Variants in FAM163A observed in about 807,000 individuals in gnomAD.
FAM163A encodes the protein family with sequence similarity 163 member A.
In FAM163A, 7 loss-of-function variants were observed where a neutral mutation model predicts 12.0. The observed-to-expected ratio is 0.58, with a 90% CI of 0.33 to 1.10. The LOEUF is 1.10. Ranked by LOEUF, FAM163A falls within the 50% of genes least tolerant of loss-of-function variation. FAM163A has a pLI of 0.03. For missense variants in FAM163A, 202 were observed against 218.6 expected (o/e 0.92, Z 0.48); for synonymous variants, 101 against 91.0 (o/e 1.11, Z -0.62).
the FAM163A span, among the ~76,000 whole-genome samples, chr1:179,734,829 C>T: frequency 3.3e-5 from 5 of 152,140 alleles, no homozygotes; most frequent in African/African-American, 1.2e-4. Flanking sequence ...CCCACCCCCA[C>T]CAATTATACT....
chr1:179,814,340 C>T lies in FAM163A; in HGVS notation c.*151C>T. ...AGTGGAGGGTTTACTAGGATTTAAGCTTTTGAGTGCATTGAGAACCAAGAC... is the reference window on the plus strand; with the variant it reads ...AGTGGAGGGTTTACTAGGATTTAAGTTTTTGAGTGCATTGAGAACCAAGAC... On this transcript the variant is annotated 3_prime_UTR_variant, in exon 5 of 5. Coordinates refer to ENST00000341785, the MANE Select transcript of FAM163A (RefSeq NM_173509.3). 1 of 1,074,116 alleles carries T rather than the reference C, an allele frequency of 9.3e-7. No homozygotes were observed. The highest frequency in any genetic ancestry group is 1.3e-6 in the Non-Finnish European group (1 of 774,362). The allele number at this position is 1,074,116 out of a possible 1,614,324, so 66.5% of individuals were successfully genotyped here.
intron 1 of FAM163A, among the ~76,000 whole-genome samples, chr1:179,762,700 TCTTAGCTC>T (rs1686974286): frequency 6.6e-6 from 1 of 152,240 alleles, no homozygotes; most frequent in Non-Finnish European, 1.5e-5. Flanking sequence ...GGCTCACATC[TCTTAGCTC>T]CTTAGTCATC....
At chr1:179,734,532 G>T in the FAM163A span, among the ~76,000 whole-genome samples, 1 of 152,136 alleles carries the variant, frequency 6.6e-6, no homozygotes, top group South Asian at 2.1e-4. Flanking sequence ...GTAGCAGCAG[G>T]CTCCGTTTCT....
chr1:179,805,137 T>C (rs1693744489), intron 1 of FAM163A, among the ~76,000 whole-genome samples: 1 of 152,212 alleles, frequency 6.6e-6, no homozygotes, highest in South Asian at 2.1e-4. Context: ...AAAAAAAACT[T>C]GGCCCAATCC....
chr1:179,760,671 C>T (rs1686688165), intron 1 of FAM163A, among the ~76,000 whole-genome samples: 1 of 152,184 alleles, frequency 6.6e-6, no homozygotes, highest in Non-Finnish European at 1.5e-5. Context: ...CAAATGCAGC[C>T]AGAGGCTCCA....
At chr1:179,786,145 A>G (rs1385644906) in intron 1 of FAM163A, among the ~76,000 whole-genome samples, 2 of 152,238 alleles carry the variant, frequency 1.3e-5, no homozygotes, top group Non-Finnish European at 2.9e-5. Context: ...GTTGGATTTA[A>G]AAAGATGTTA....
intron 1 of FAM163A, among the ~76,000 whole-genome samples, chr1:179,751,643 A>G (rs1415109816): frequency 1.3e-5 from 2 of 152,182 alleles, no homozygotes; most frequent in African/African-American, 2.4e-5. Context: ...TTTTAATGAC[A>G]GAATTGAGGA....
intron 1 of FAM163A, among the ~76,000 whole-genome samples, chr1:179,791,160 G>A (rs143597726): frequency 1.1e-3 from 172 of 152,194 alleles, no homozygotes; most frequent in South Asian, 7.7e-3. Context: ...TAATATAAAC[G>A]TCCAAGAGAA....
chr1:179,728,259 G>A, the FAM163A span, among the ~76,000 whole-genome samples: 3 of 152,116 alleles, frequency 2.0e-5, no homozygotes, highest in Non-Finnish European at 4.4e-5. Context: ...TCCTGGGAAC[G>A]TACATGGTGA....
chr1:179,789,291 C>G (rs527598083), intron 1 of FAM163A, among the ~76,000 whole-genome samples: 10 of 152,270 alleles, frequency 6.6e-5, no homozygotes, highest in African/African-American at 2.4e-4. Context: ...AAATGATTCT[C>G]CTGCCTCAGC....
chr1:179,785,433 A>G (rs1690464498), intron 1 of FAM163A, among the ~76,000 whole-genome samples: 1 of 152,154 alleles, frequency 6.6e-6, no homozygotes, highest in Non-Finnish European at 1.5e-5. Context: ...TCAAAAAGGC[A>G]TTCCCTGGGT....
At chr1:179,781,840 A>C (rs1689789467) in intron 1 of FAM163A, among the ~76,000 whole-genome samples, 1 of 151,012 alleles carries the variant, frequency 6.6e-6, no homozygotes, top group Admixed American at 6.6e-5. Context: ...AGGCTGAGGC[A>C]GGAGAATCGC....
chr1:179,748,702 A>G (rs376911519), intron 1 of FAM163A, among the ~76,000 whole-genome samples: 1 of 152,328 alleles, frequency 6.6e-6, no homozygotes, highest in Admixed American at 6.5e-5. Context: ...AGGAACTCTG[A>G]TAAATTATTA....
At chr1:179,740,795 C>T (rs1431772943), upstream of FAM163A, among the ~76,000 whole-genome samples, 2 of 151,962 alleles carry the variant, frequency 1.3e-5, no homozygotes, top group East Asian at 1.9e-4. Context: ...AGGGATCTTG[C>T]GGTGGTGGAA....
chr1:179,741,039 T>C (rs1683574556), upstream of FAM163A, among the ~76,000 whole-genome samples: 1 of 152,230 alleles, frequency 6.6e-6, no homozygotes, highest in African/African-American at 2.4e-5. Context: ...TTGCAGTCTC[T>C]AACTGACCAA....
intron 4 of FAM163A, 94 bp downstream of exon 4, chr1:179,813,284 C>T (rs777801714): frequency 1.5e-5 from 18 of 1,172,442 alleles, no homozygotes; most frequent in African/African-American, 1.5e-4. Context: ...ACTTCAGGGC[C>T]CACAGAGCCC....
chr1:179,734,310 C>A, the FAM163A span, among the ~76,000 whole-genome samples: 1 of 152,196 alleles, frequency 6.6e-6, no homozygotes, highest in African/African-American at 2.4e-5. Flanking sequence ...AGAAAGCTGT[C>A]ATCTTAATCA....
chr1:179,815,833 T>C lies in FAM163A; in HGVS notation c.*1644T>C, dbSNP rs1367285541. On this transcript the variant is annotated 3_prime_UTR_variant, in exon 5 of 5. Transcript: ENST00000341785. ...GAGCGGGGAGGGAGGAAGAGGGGAA[T>C]GCACATCTTTTGCGCCACTATTAAG... The C allele has an allele frequency of 6.6e-6, 1 of 152,228 alleles. No individual in the cohort carries two copies. Among genetic ancestry groups the C allele is most frequent in the Non-Finnish European group, 1.5e-5 (1 of 68,078 alleles). The allele number at this position is 152,228 out of a possible 1,614,324, so 9.4% of individuals were successfully genotyped here.
chr1:179,791,555 G>A (rs180743372), intron 1 of FAM163A, among the ~76,000 whole-genome samples: 58 of 152,314 alleles, frequency 3.8e-4, no homozygotes, highest in Non-Finnish European at 5.1e-4. Context: ...AAAAAGAAGG[G>A]GAATAGGCTG....
Sources: allele counts gnomAD v4.1 joint callset (sites outside exome capture counted in the v4.1 genomes callset), GRCh38; gene constraint gnomAD v4.1.1; transcripts MANE v1.5; gene names NCBI Gene and HGNC (gene_info 2026-07-23, HGNC 2026-07-21).